TNNI3K: variants seen among roughly 807,000 people sequenced by gnomAD.
The protein encoded by TNNI3K is TNNI3 interacting kinase, also known as serine/threonine-protein kinase TNNI3K.
Under a neutral mutation model 114.5 loss-of-function variants are expected in TNNI3K, and 140 were observed. The ratio of observed to expected loss-of-function variants is 1.22; its 90% CI spans 1.07 to 1.41. TNNI3K has a LOEUF of 1.41. Among genes scored for constraint, TNNI3K ranks in the 40% most tolerant of loss-of-function variants. The pLI, the probability that TNNI3K is intolerant of heterozygous loss-of-function variation, is 0.00. For synonymous variants in TNNI3K, 347 were observed against 347.5 expected, an observed-to-expected ratio of 1.00 and a Z score of 0.02; for missense variants, 1,125 against 1,007.6, an observed-to-expected ratio of 1.12 and a Z score of -1.58.
intron 21 of TNNI3K, among the ~76,000 whole-genome samples, chr1:74,466,995 A>G (rs549905764): frequency 1.3e-5 from 2 of 152,338 alleles, no homozygotes; most frequent in African/African-American, 2.4e-5. Context: ...CTGTGAGACT[A>G]TATACTAAAA....
chr1:74,406,121 G>T (rs1664600409), intron 17 of TNNI3K, among the ~76,000 whole-genome samples: 1 of 152,162 alleles, frequency 6.6e-6, no homozygotes, highest in South Asian at 2.1e-4. Flanking sequence ...AACTATTCAG[G>T]TTGTTGGCAG....
chr1:74,453,354 G>A (rs572280525), intron 20 of TNNI3K, among the ~76,000 whole-genome samples: 4 of 152,262 alleles, frequency 2.6e-5, no homozygotes, highest in Middle Eastern at 3.4e-3. Context: ...CAAGAAACAA[G>A]ATGTCTAATA....
intron 17 of TNNI3K, among the ~76,000 whole-genome samples, chr1:74,431,650 T>C (rs1455554239): frequency 6.6e-6 from 1 of 152,076 alleles, no homozygotes; most frequent in Non-Finnish European, 1.5e-5. Flanking sequence ...TACAGTAAAA[T>C]GTAGAGATTT....
chr1:74,262,206 T>A (rs1279592324), intron 4 of TNNI3K, among the ~76,000 whole-genome samples: 1 of 152,064 alleles, frequency 6.6e-6, no homozygotes, highest in Non-Finnish European at 1.5e-5. Context: ...CTACTGACAA[T>A]TTGGATTGGA....
intron 5 of TNNI3K, among the ~76,000 whole-genome samples, chr1:74,300,507 A>G (rs1033833867): frequency 2.6e-5 from 4 of 152,238 alleles, no homozygotes; most frequent in Non-Finnish European, 5.9e-5. Context: ...AAGCAAATAA[A>G]TGATTTACTA....
chr1:74,456,757 A>G (rs1322238751), intron 20 of TNNI3K, among the ~76,000 whole-genome samples: 2 of 152,186 alleles, frequency 1.3e-5, no homozygotes, highest in Non-Finnish European at 2.9e-5. Flanking sequence ...TCTAGGATAT[A>G]GCAGTAATTT....
intron 21 of TNNI3K, chr1:74,480,892 G>A (rs1442414728): frequency 1.4e-6 from 1 of 717,332 alleles, no homozygotes; most frequent in Non-Finnish European, 2.6e-6. Context: ...GATTAAACAA[G>A]AGAGACAGGT....
intron 7 of TNNI3K, chr1:74,341,713 C>T (rs1660755767): frequency 6.6e-6 from 1 of 152,166 alleles, no homozygotes; most frequent in Non-Finnish European, 1.5e-5. Context: ...CAGTGAGGAA[C>T]AACATCCAGA....
At chr1:74,245,160 A>G (rs973146678) in intron 2 of TNNI3K, among the ~76,000 whole-genome samples, 1 of 152,230 alleles carries the variant, frequency 6.6e-6, no homozygotes, top group Non-Finnish European at 1.5e-5. Context: ...GGGAAGTAGC[A>G]TCTGATAAGA....
chr1:74,472,664 G>A (rs1667995903), intron 21 of TNNI3K, among the ~76,000 whole-genome samples: 5 of 151,944 alleles, frequency 3.3e-5, no homozygotes. Context: ...CAATGAAAGG[G>A]AAATACTTGC....
chr1:74,516,167 T>A (rs1388529647), intron 23 of TNNI3K, among the ~76,000 whole-genome samples: 3 of 152,208 alleles, frequency 2.0e-5, no homozygotes, highest in Non-Finnish European at 2.9e-5. Context: ...TCAAAATTTT[T>A]AAAAATATGG....
chr1:74,487,718 G>A (rs759920435), intron 21 of TNNI3K, among the ~76,000 whole-genome samples: 2 of 152,156 alleles, frequency 1.3e-5, no homozygotes, highest in Non-Finnish European at 1.5e-5. Context: ...GGGTAGGTAG[G>A]TAGAAAGAAG....
intron 2 of TNNI3K, among the ~76,000 whole-genome samples, chr1:74,241,778 T>C (rs181653090): frequency 8.5e-5 from 13 of 152,270 alleles, no homozygotes; most frequent in Middle Eastern, 3.4e-3. Context: ...CTCTTTAGTT[T>C]AATTAGATCC....
At chr1:74,503,377 A>C (rs530512832) in intron 23 of TNNI3K, among the ~76,000 whole-genome samples, 1 of 152,338 alleles carries the variant, frequency 6.6e-6, no homozygotes, top group Middle Eastern at 3.4e-3. Flanking sequence ...GCTGATTTGA[A>C]ATATGATATC....
intron 4 of TNNI3K, among the ~76,000 whole-genome samples, chr1:74,271,099 G>A (rs1557464475): frequency 1.3e-5 from 2 of 151,550 alleles, no homozygotes; most frequent in African/African-American, 2.4e-5. Context: ...TTAGTAAGAA[G>A]AAATTACTGA....
At chr1:74,285,657 G>C (rs965375749) in intron 5 of TNNI3K, among the ~76,000 whole-genome samples, 2 of 152,016 alleles carry the variant, frequency 1.3e-5, no homozygotes, top group African/African-American at 2.4e-5. Context: ...TTTCTCACAG[G>C]TTCCAATATT....
intron 23 of TNNI3K, among the ~76,000 whole-genome samples, chr1:74,519,882 G>T (rs1240806375): frequency 1.3e-5 from 2 of 152,060 alleles, no homozygotes; most frequent in Non-Finnish European, 2.9e-5. Flanking sequence ...CCTATCTGTG[G>T]GAGCACAGAT....
intron 23 of TNNI3K, among the ~76,000 whole-genome samples, chr1:74,500,327 C>G (rs541297038): frequency 6.6e-6 from 1 of 151,604 alleles, no homozygotes; most frequent in Non-Finnish European, 1.5e-5. Context: ...TTTTCTTTTC[C>G]ATAAATGCAC....
intron 22 of TNNI3K, among the ~76,000 whole-genome samples, chr1:74,491,453 G>T (rs1669072182): frequency 6.6e-6 from 1 of 152,038 alleles, no homozygotes; most frequent in Non-Finnish European, 1.5e-5. Flanking sequence ...TGTTGACCAG[G>T]ATGGTGTCGA....
Sources: allele counts gnomAD v4.1 joint callset (sites outside exome capture counted in the v4.1 genomes callset), GRCh38; gene constraint gnomAD v4.1.1; transcripts MANE v1.5; gene names NCBI Gene and HGNC (gene_info 2026-07-23, HGNC 2026-07-21).